The following MINDY3 variants were observed in gnomAD, a reference collection of about 807,000 sequenced individuals.
The protein encoded by MINDY3 is MINDY lysine 48 deubiquitinase 3.
Under a neutral mutation model 69.2 loss-of-function variants are expected in MINDY3, and 38 were observed. That is an observed-to-expected ratio of 0.55 (90% CI 0.42 to 0.72). The LOEUF (loss-of-function observed/expected upper bound fraction) is 0.72, where lower values mean the gene tolerates loss of function less well. Ranked by LOEUF, MINDY3 falls within the 30% of genes least tolerant of loss-of-function variation. The pLI, the probability that MINDY3 is intolerant of heterozygous loss-of-function variation, is 0.00. For missense variants in MINDY3, 522 were observed against 519.0 expected, an observed-to-expected ratio of 1.01 and a Z score of -0.06; for synonymous variants, 192 against 180.1, an observed-to-expected ratio of 1.07 and a Z score of -0.53.
intron 7 of MINDY3, 56 bp downstream of exon 7, chr10:15,834,487 T>C (rs1832943804): frequency 8.1e-7 from 1 of 1,237,330 alleles, no homozygotes; most frequent in East Asian, 2.3e-5. Flanking sequence ...TTATCTGAAG[T>C]CAAGTTTCTA....
chr10:15,825,614 G>C (rs1840035493), intron 8 of MINDY3, among the ~76,000 whole-genome samples: 1 of 152,182 alleles, frequency 6.6e-6, no homozygotes, highest in African/African-American at 2.4e-5. Context: ...AATATAACCA[G>C]ACAAGCACCA....
At chr10:15,818,691 GATGAACA>G (rs368757671) in intron 9 of MINDY3, among the ~76,000 whole-genome samples, 19 of 152,214 alleles carry the variant, frequency 1.2e-4, no homozygotes, top group African/African-American at 3.6e-4. Context: ...AAAAAACAGA[GATGAACA>G]ATGAAAACAC....
chr10:15,837,630 C>G (rs934178112), intron 5 of MINDY3: 11 of 1,252,084 alleles, frequency 8.8e-6, no homozygotes, highest in Non-Finnish European at 1.1e-5. Context: ...AATAGAGTGG[C>G]CTTCTTGTAA....
chr10:15,859,491 C>G (rs1441997143), intron 1 of MINDY3, among the ~76,000 whole-genome samples: 1 of 152,054 alleles, frequency 6.6e-6, no homozygotes, highest in Non-Finnish European at 1.5e-5. Context: ...TGTTACAGTG[C>G]AAGAATTCAA....
chr10:15,859,853 C>A (rs935411699), intron 1 of MINDY3, among the ~76,000 whole-genome samples: 3 of 152,200 alleles, frequency 2.0e-5, no homozygotes, highest in Non-Finnish European at 2.9e-5. Context: ...GGTAAAGATG[C>A]GGAAGGCCAC....
At chr10:15,834,128 G>T (rs1832921676) in intron 7 of MINDY3, among the ~76,000 whole-genome samples, 1 of 151,900 alleles carries the variant, frequency 6.6e-6, no homozygotes, top group South Asian at 2.1e-4. Flanking sequence ...AACTATCACT[G>T]TTTCATTGAG....
chr10:15,859,642 T>TA (rs1260562442), intron 1 of MINDY3, among the ~76,000 whole-genome samples: 1 of 152,082 alleles, frequency 6.6e-6, no homozygotes, highest in African/African-American at 2.4e-5. Flanking sequence ...ATAAACCATA[T>TA]AAAAAACGGG....
chr10:15,815,629 C>G (rs533057747), intron 10 of MINDY3, among the ~76,000 whole-genome samples: 1 of 152,178 alleles, frequency 6.6e-6, no homozygotes, highest in African/African-American at 2.4e-5. Context: ...CCTATGATCC[C>G]AGAGATGTTT....
In MINDY3 at chr10:15,848,652, AAAAAAAAAAAGAAAG is replaced by A. The variant is rs1289111708; in HGVS notation, c.95-724_95-710del. On this transcript the variant is annotated intron_variant, in intron 1 of 14. Transcript: ENST00000277632. ...TCATCTCAAAAAAAAAAAAAAAAAA[AAAAAAAAAAAGAAAG>A]AAAAATTAAATGGCATTGTAGACAG... 8.9e-4 allele frequency among the ~76,000 whole-genome samples: 114 copies of A among 128,486 alleles called. 9 individuals are homozygous for A. The highest frequency in any genetic ancestry group is 2.8e-3 in the African/African-American group (109 of 38,338). The allele number at this position is 128,486 out of a possible 152,430, so 84.3% of individuals were successfully genotyped here.
chr10:15,826,589 C>A (rs1464018561), intron 8 of MINDY3, among the ~76,000 whole-genome samples: 1 of 151,968 alleles, frequency 6.6e-6, no homozygotes, highest in Non-Finnish European at 1.5e-5. Flanking sequence ...GAGGAAAGTT[C>A]AACTGGAATA....
chr10:15,852,704 G>A (rs1341669368), intron 1 of MINDY3, among the ~76,000 whole-genome samples: 2 of 152,118 alleles, frequency 1.3e-5, no homozygotes, highest in Non-Finnish European at 2.9e-5. Context: ...GCACTAGGGA[G>A]AGTAGCCAAA....
chr10:15,829,689 A>G (rs1291508475), intron 8 of MINDY3, among the ~76,000 whole-genome samples: 2 of 152,212 alleles, frequency 1.3e-5, no homozygotes, highest in Non-Finnish European at 2.9e-5. Flanking sequence ...TGCAGAATAT[A>G]CTGGAGTGGA....
At chr10:15,852,738 C>T (rs369337342) in intron 1 of MINDY3, among the ~76,000 whole-genome samples, 2 of 151,948 alleles carry the variant, frequency 1.3e-5, no homozygotes, top group South Asian at 2.1e-4. Flanking sequence ...AAGTGTAATT[C>T]GGATTAGAAA....
chr10:15,848,007 T>G, intron 1 of MINDY3, 64 bp from the exon 2 acceptor site: 1 of 1,316,272 alleles, frequency 7.6e-7, no homozygotes, highest in Non-Finnish European at 1.1e-6. Flanking sequence ...AAAGAATCTT[T>G]CATGTACTTT....
chr10:15,859,838 T>C (rs564854206), intron 1 of MINDY3, among the ~76,000 whole-genome samples: 1 of 152,286 alleles, frequency 6.6e-6, no homozygotes, highest in East Asian at 1.9e-4. Context: ...ACAGCTCTGT[T>C]AGGGGGTAAA....
chr10:15,851,358 G>C (rs1445022537), intron 1 of MINDY3, among the ~76,000 whole-genome samples: 1 of 151,996 alleles, frequency 6.6e-6, no homozygotes, highest in African/African-American at 2.4e-5. Flanking sequence ...CCCTTAACAT[G>C]GTCCTGTATT....
intron 9 of MINDY3, among the ~76,000 whole-genome samples, chr10:15,820,612 A>T (rs1839693502): frequency 6.6e-6 from 1 of 152,240 alleles, no homozygotes; most frequent in South Asian, 2.1e-4. Flanking sequence ...GTCACTGAAA[A>T]TACTGTTTAA....
At chr10:15,853,214 T>C (rs528541493) in intron 1 of MINDY3, among the ~76,000 whole-genome samples, 2 of 151,694 alleles carry the variant, frequency 1.3e-5, no homozygotes, top group Admixed American at 6.6e-5. Context: ...AGAGTGATTA[T>C]ATGGAAAAGA....
At chr10:15,781,119 C>CAT (rs762067075) in intron 14 of MINDY3, among the ~76,000 whole-genome samples, 28 of 151,782 alleles carry the variant, frequency 1.8e-4, no homozygotes, top group East Asian at 5.8e-4. Context: ...TCCAAGTTTG[C>CAT]ATATATATAT....
Sources: gnomAD v4.1 joint callset for allele counts (sites outside exome capture counted in the v4.1 genomes callset) on GRCh38, gnomAD v4.1.1 for gene constraint, MANE v1.5 for transcripts, NCBI Gene and HGNC (gene_info 2026-07-23, HGNC 2026-07-21) for gene names.